The following CALN1 variants were observed in gnomAD, a reference collection of about 807,000 sequenced individuals.
The protein encoded by CALN1 is calcium-binding protein 8.
CALN1 carries 17 observed loss-of-function variants against 30.6 expected under a neutral mutation model. The observed-to-expected ratio is 0.56, with a 90% CI of 0.38 to 0.83. The LOEUF (loss-of-function observed/expected upper bound fraction) is 0.83, where lower values mean the gene tolerates loss of function less well. Ranked by LOEUF, CALN1 falls within the 40% of genes least tolerant of loss-of-function variation. The pLI is 0.00. For synonymous variants in CALN1, 156 were observed against 131.4 expected (o/e 1.19, Z -1.28); for missense variants, 291 against 354.9 (o/e 0.82, Z 1.45).
At chr7:72,315,647 G>C (rs1028404165) in intron 2 of CALN1, among the ~76,000 whole-genome samples, 2 of 151,760 alleles carry the variant, frequency 1.3e-5, no homozygotes, top group African/African-American at 4.8e-5. Flanking sequence ...CGAGGCTGCA[G>C]TGAGCCATGA....
intron 3 of CALN1, among the ~76,000 whole-genome samples, chr7:72,147,776 TA>T (rs1223645907): frequency 6.6e-6 from 1 of 151,690 alleles, no homozygotes; most frequent in Non-Finnish European, 1.5e-5. Context: ...CCATAAAAAA[TA>T]ATGAGTTCAT....
At chr7:72,225,422 A>T (rs1465373348) in intron 3 of CALN1, among the ~76,000 whole-genome samples, 1 of 152,044 alleles carries the variant, frequency 6.6e-6, no homozygotes, top group Non-Finnish European at 1.5e-5. Flanking sequence ...GATACCCCAA[A>T]AAGGGCCACT....
At chr7:72,299,931 T>G (rs1799141128) in intron 2 of CALN1, among the ~76,000 whole-genome samples, 1 of 152,180 alleles carries the variant, frequency 6.6e-6, no homozygotes, top group African/African-American at 2.4e-5. Context: ...GGAGTCTTGC[T>G]CTGTCACCCA....
chr7:72,107,766 T>G (rs1807279819), intron 3 of CALN1, among the ~76,000 whole-genome samples: 1 of 152,198 alleles, frequency 6.6e-6, no homozygotes, highest in Admixed American at 6.5e-5. Context: ...TCAACTAGTA[T>G]TGACTTTCTA....
intron 5 of CALN1, among the ~76,000 whole-genome samples, chr7:71,953,432 C>T (rs1229531471): frequency 6.6e-6 from 1 of 152,124 alleles, no homozygotes; most frequent in African/African-American, 2.4e-5. Context: ...CCACTCCAGG[C>T]CACTCGAATT....
rs12699136 is a variant in CALN1 at position 72,394,428 on chromosome 7, G to T, written c.119+8823C>A. On this transcript the variant is annotated intron_variant, in intron 2 of 6. Transcript: ENST00000395275. ...GGATAAATGTTGCTCATACACAGATGCTCTCCAAAGCATTGCCTGTGAGAA... is the reference window on the plus strand; with the variant it reads ...GGATAAATGTTGCTCATACACAGATTCTCTCCAAAGCATTGCCTGTGAGAA... Among the ~76,000 whole-genome samples the T allele has an allele frequency of 9.7e-4, 148 of 152,334 alleles. 1 individual carries two copies. Among genetic ancestry groups the T allele is most frequent in the Non-Finnish European group, 1.7e-3 (117 of 68,026 alleles).
At chr7:72,443,425 C>T (rs1026016553) in intron 1 of CALN1, among the ~76,000 whole-genome samples, 1 of 152,142 alleles carries the variant, frequency 6.6e-6, no homozygotes, top group African/African-American at 2.4e-5. Context: ...TTTCACGCAC[C>T]CCGGGTCCCT....
At chr7:72,273,952 C>T (rs1193263189) in intron 3 of CALN1, among the ~76,000 whole-genome samples, 2 of 151,760 alleles carry the variant, frequency 1.3e-5, no homozygotes, top group Non-Finnish European at 2.9e-5. Flanking sequence ...AAGAAAGTTA[C>T]CATCATCTGG....
At chr7:71,930,494 A>G (rs1772558262) in intron 5 of CALN1, among the ~76,000 whole-genome samples, 2 of 152,196 alleles carry the variant, frequency 1.3e-5, no homozygotes, top group Admixed American at 1.3e-4. Context: ...ATTTGCAAAT[A>G]TATGCACCCC....
chr7:72,205,565 T>TATACAC (rs1562733703), intron 3 of CALN1, among the ~76,000 whole-genome samples: 1 of 116,770 alleles, frequency 8.6e-6, no homozygotes, highest in African/African-American at 3.8e-5. Flanking sequence ...TATATATATA[T>TATACAC]ATGTATATAT....
chr7:72,409,748 A>AC (rs754725151), intron 1 of CALN1, among the ~76,000 whole-genome samples: 4 of 152,074 alleles, frequency 2.6e-5, no homozygotes, highest in Non-Finnish European at 5.9e-5. Context: ...AGCCTCTGGG[A>AC]CCCCATGGAA....
intron 2 of CALN1, among the ~76,000 whole-genome samples, chr7:72,396,887 G>A (rs1805998733): frequency 6.6e-6 from 1 of 152,142 alleles, no homozygotes; most frequent in Non-Finnish European, 1.5e-5. Context: ...TATCCTTGTA[G>A]AATCTTTTAG....
At chr7:71,807,888 A>G (rs1226918518) in intron 6 of CALN1, among the ~76,000 whole-genome samples, 2 of 152,184 alleles carry the variant, frequency 1.3e-5, no homozygotes, top group Non-Finnish European at 2.9e-5. Context: ...ATCCTCACTA[A>G]CACAGTGAAA....
chr7:72,058,310 C>CTGTTTTT (rs1803407950), intron 4 of CALN1, among the ~76,000 whole-genome samples: 1 of 70,746 alleles, frequency 1.4e-5, no homozygotes, highest in Non-Finnish European at 2.5e-5. Context: ...AAGCTGGAAT[C>CTGTTTTT]TTTTTTTTTT....
intron 5 of CALN1, among the ~76,000 whole-genome samples, chr7:71,854,499 G>A (rs551055951): frequency 5.1e-4 from 77 of 152,300 alleles, no homozygotes; most frequent in African/African-American, 1.8e-3. Flanking sequence ...AGCAATTATA[G>A]CAAGTTGGTG....
In CALN1 at chr7:72,259,098, TTATA is replaced by T. The variant is rs113229295; in HGVS notation, c.244+19584_244+19587del. 8.8e-5 allele frequency among the ~76,000 whole-genome samples: 13 copies of T among 147,652 alleles called. No homozygotes were observed. The Admixed American group carries it at 8.9e-4, about 10-fold the overall frequency. Reference sequence around the variant, plus strand: ...TCCATTTCAATTTAAAATATATTATTTATATATATATATATGTATGCATCAAAAA... The same window carrying T: ...TCCATTTCAATTTAAAATATATTATTTATATATATATGTATGCATCAAAAA... On this transcript the variant is annotated intron_variant, in intron 3 of 6. Coordinates refer to ENST00000395275, the MANE Select transcript of CALN1 (RefSeq NM_031468.4).
chr7:71,864,577 A>C (rs1791481307), intron 5 of CALN1, among the ~76,000 whole-genome samples: 1 of 152,188 alleles, frequency 6.6e-6, no homozygotes, highest in Non-Finnish European at 1.5e-5. Context: ...TAACACCTTG[A>C]CTGCAGCCTT....
intron 4 of CALN1, among the ~76,000 whole-genome samples, chr7:72,098,764 GCACACACACACACA>G (rs1181933030): frequency 2.8e-5 from 4 of 142,730 alleles, no homozygotes; most frequent in African/African-American, 7.9e-5. Context: ...CATTTGGCGC[GCACACACACACACA>G]CACACACACA....
the CALN1 span, among the ~76,000 whole-genome samples, chr7:72,495,556 C>T: frequency 6.6e-6 from 1 of 152,284 alleles, no homozygotes. Context: ...AGGTCCATGC[C>T]ACACCCCATG....
Sources: gnomAD v4.1 joint callset for allele counts (sites outside exome capture counted in the v4.1 genomes callset) on GRCh38, gnomAD v4.1.1 for gene constraint, MANE v1.5 for transcripts, NCBI Gene and HGNC (gene_info 2026-07-23, HGNC 2026-07-21) for gene names.